HIVEP3: variants seen among roughly 807,000 people sequenced by gnomAD.
HIVEP3 encodes HIVEP zinc finger 3, also known as transcription factor HIVEP3.
In HIVEP3, 49 loss-of-function variants were observed where a neutral mutation model predicts 152.8. The ratio of observed to expected loss-of-function variants is 0.32; its 90% CI spans 0.26 to 0.41. The LOEUF is 0.41. HIVEP3 is among the 10% of genes least tolerant of loss of function. HIVEP3 has a pLI of 1.00. For missense variants in HIVEP3, 2,790 were observed against 3,103.3 expected (o/e 0.90, Z 2.40); for synonymous variants, 1,269 against 1,289.0 (o/e 0.98, Z 0.33).
intron 2 of HIVEP3, among the ~76,000 whole-genome samples, chr1:41,639,335 T>C (rs1250220874): frequency 1.3e-5 from 2 of 152,078 alleles, no homozygotes; most frequent in South Asian, 2.1e-4. Context: ...AGAAGTAGCA[T>C]GGTATAGCAT....
intron 1 of HIVEP3, among the ~76,000 whole-genome samples, chr1:41,935,955 A>T (rs72949474): frequency 0.038 from 5,845 of 151,950 alleles, 365 homozygotes; most frequent in African/African-American, 0.13. Context: ...CAGTTAGGGG[A>T]GTCGAGCTAT....
intron 3 of HIVEP3, among the ~76,000 whole-genome samples, chr1:41,608,377 T>G (rs1040808355): frequency 2.0e-5 from 3 of 152,200 alleles, no homozygotes; most frequent in Admixed American, 2.0e-4. Context: ...CCACATCCAG[T>G]CTGCTAGAGA....
intron 1 of HIVEP3, among the ~76,000 whole-genome samples, chr1:41,829,549 G>A (rs1039235251): frequency 2.6e-5 from 4 of 151,738 alleles, no homozygotes; most frequent in African/African-American, 7.3e-5. Context: ...ATTAAGGGGC[G>A]GGGGGAATGT....
At chr1:41,824,780 TATATAGAG>T (rs1465382857) in intron 1 of HIVEP3, among the ~76,000 whole-genome samples, 4 of 13,602 alleles carry the variant, frequency 2.9e-4, no homozygotes, top group Admixed American at 9.0e-4. Flanking sequence ...TATATATATA[TATATAGAG>T]AGAGAGAGAG....
chr1:41,969,275 A>G (rs1557543771), intron 1 of HIVEP3, among the ~76,000 whole-genome samples: 1 of 152,218 alleles, frequency 6.6e-6, no homozygotes, highest in Non-Finnish European at 1.5e-5. Context: ...AGAAAGAACA[A>G]AACTGGAGAC....
intron 2 of HIVEP3, among the ~76,000 whole-genome samples, chr1:41,645,395 C>T (rs534875514): frequency 2.0e-4 from 31 of 152,322 alleles, no homozygotes; most frequent in Admixed American, 1.8e-3. Context: ...CAACCTGGCT[C>T]TCCCTCTTAT....
chr1:41,948,450 C>T (rs1449168260), intron 1 of HIVEP3, among the ~76,000 whole-genome samples: 1 of 151,970 alleles, frequency 6.6e-6, no homozygotes, highest in African/African-American at 2.4e-5. Flanking sequence ...TGTACAGAAA[C>T]CTAAAGAGGT....
chr1:41,626,473 G>A (rs905275369), intron 3 of HIVEP3, among the ~76,000 whole-genome samples: 1 of 152,166 alleles, frequency 6.6e-6, no homozygotes, highest in Admixed American at 6.5e-5. Flanking sequence ...AGCCCACACG[G>A]ACAAACAAAG....
At chr1:41,769,495 T>G (rs1391895330) in intron 1 of HIVEP3, among the ~76,000 whole-genome samples, 1 of 152,074 alleles carries the variant, frequency 6.6e-6, no homozygotes, top group East Asian at 1.9e-4. Context: ...GAACCAAGAT[T>G]CCTTAGAGAA....
At chr1:41,864,798 A>G (rs776999189) in intron 1 of HIVEP3, 19 of 152,296 alleles carry the variant, frequency 1.2e-4, no homozygotes, top group African/African-American at 2.7e-4. Flanking sequence ...AGCAGCTAAC[A>G]TAGGCATAAA....
chr1:41,640,301 T>G (rs1645353092), intron 2 of HIVEP3, among the ~76,000 whole-genome samples: 2 of 151,394 alleles, frequency 1.3e-5, no homozygotes, highest in African/African-American at 2.4e-5. Context: ...AAGGTAGGTG[T>G]GGGAGGAGCA....
At chr1:41,648,158 C>T (rs1362518486) in intron 2 of HIVEP3, among the ~76,000 whole-genome samples, 1 of 152,218 alleles carries the variant, frequency 6.6e-6, no homozygotes, top group East Asian at 1.9e-4. Context: ...ATGCCCGGGC[C>T]TCACCATCCA....
chr1:41,987,400 A>G (rs1258123725), intron 1 of HIVEP3, among the ~76,000 whole-genome samples: 1 of 152,122 alleles, frequency 6.6e-6, no homozygotes, highest in Non-Finnish European at 1.5e-5. Context: ...TAAATAAAAA[A>G]GAAATAGAAA....
At chr1:41,522,537 CG>C (rs1642787316) in intron 6 of HIVEP3, among the ~76,000 whole-genome samples, 1 of 152,166 alleles carries the variant, frequency 6.6e-6, no homozygotes, top group Non-Finnish European at 1.5e-5. Flanking sequence ...AGCCTTACCT[CG>C]GGGGATGCTC....
chr1:41,611,685 C>T (rs1404722132), intron 3 of HIVEP3, among the ~76,000 whole-genome samples: 3 of 152,242 alleles, frequency 2.0e-5, no homozygotes, highest in African/African-American at 4.8e-5. Context: ...AGGGAAAACT[C>T]GAATGTTGTT....
intron 4 of HIVEP3, among the ~76,000 whole-genome samples, chr1:41,577,601 A>G (rs977007403): frequency 3.3e-5 from 5 of 152,220 alleles, no homozygotes; most frequent in South Asian, 2.1e-4. Flanking sequence ...ATGACCAAAC[A>G]AAAACATCAT....
chr1:41,514,454 G>A (rs1444171879), intron 7 of HIVEP3, among the ~76,000 whole-genome samples: 1 of 152,254 alleles, frequency 6.6e-6, no homozygotes, highest in East Asian at 1.9e-4. Context: ...ATCTGCCACG[G>A]TGACCAGGCT....
intron 2 of HIVEP3, among the ~76,000 whole-genome samples, chr1:41,673,948 T>A (rs750916227): frequency 1.3e-5 from 2 of 152,196 alleles, no homozygotes; most frequent in Non-Finnish European, 2.9e-5. Context: ...GGTGGGGTTG[T>A]CTTTCTTCTG....
chr1:41,605,152 G>A (rs1006124559), intron 3 of HIVEP3, among the ~76,000 whole-genome samples: 7 of 135,536 alleles, frequency 5.2e-5, no homozygotes, highest in South Asian at 2.5e-4. Flanking sequence ...GAAGGGAAGC[G>A]GAGGGGTGGA....
Sources: gnomAD v4.1 joint callset for allele counts (sites outside exome capture counted in the v4.1 genomes callset) on GRCh38, gnomAD v4.1.1 for gene constraint, MANE v1.5 for transcripts, NCBI Gene and HGNC (gene_info 2026-07-23, HGNC 2026-07-21) for gene names.